Variants in SEPTIN4 observed in about 807,000 individuals in gnomAD.
SEPTIN4 encodes septin 4, also known as septin-4.
SEPTIN4 carries 52 observed loss-of-function variants against 107.1 expected under a neutral mutation model. That is an observed-to-expected ratio of 0.49 (90% CI 0.39 to 0.61). SEPTIN4 has a LOEUF of 0.61. Ranked by LOEUF, SEPTIN4 falls within the 20% of genes least tolerant of loss-of-function variation. The pLI is 0.00. For synonymous variants in SEPTIN4, 417 were observed against 467.0 expected (o/e 0.89, Z 1.38); for missense variants, 1,048 against 1,243.5 (o/e 0.84, Z 2.36).
chr17:58,544,123 T>G lies in SEPTIN4; in HGVS notation c.64A>C (p.Thr22Pro). Residue 22 changes from threonine to proline, a missense_variant, in exon 1 of 14, where the codon ACT (threonine) becomes CCT (proline). By Grantham distance (38) the Thr-to-Pro change is conservative. Transcript: ENST00000672673. The part of the protein sequence containing the change: ...AVSAQRGSEV[T>P]TNTSPQQGHG... ...CCCTGCTGAGGGGATGTGTTAGTAG[T>G]AACCTCAGACCCTCTCTGTGCTGAA... The G allele has an allele frequency of 6.2e-7, 1 of 1,614,132 alleles. No homozygotes were observed. The highest frequency in any genetic ancestry group is 8.5e-7 in the Non-Finnish European group (1 of 1,179,982).
Position 58,543,856 on chromosome 17 carries a change from T to G in SEPTIN4, c.331A>C (p.Thr111Pro). The change falls in exon 1 of 14, where the codon ACA (threonine) becomes CCA (proline). Residue 111 changes from threonine to proline, a missense_variant. Thr to Pro is a conservative substitution (Grantham distance 38). Around this residue, in one of 2 missense-constraint regions of SEPTIN4, gnomAD observed 787 missense variants for 871.8 expected, o/e 0.90. Coordinates refer to ENST00000672673, the MANE Select transcript of SEPTIN4 (RefSeq NM_001368771.2). ...CTGCTTGAAGCATGGGAAGCCAGTGTCTGAGTCTTCTGGCTCTTTAGATGG... is the reference window on the plus strand; with the variant it reads ...CTGCTTGAAGCATGGGAAGCCAGTGGCTGAGTCTTCTGGCTCTTTAGATGG... ...SPHLKSQKTQ[T>P]LASHASSRQW... The G allele has an allele frequency of 6.2e-7, 1 of 1,614,194 alleles. No homozygotes were observed. Among genetic ancestry groups the G allele is most frequent in the Non-Finnish European group, 8.5e-7 (1 of 1,180,030 alleles).
At position 58,537,810 on chromosome 17, in the gene SEPTIN4, A is replaced by G. The variant is rs2043765736; in HGVS notation, c.1614+2856T>C. 2.1e-5 allele frequency among the ~76,000 whole-genome samples: 3 copies of G among 143,666 alleles called. No individual in the cohort carries two copies. The Admixed American group carries it at 2.1e-4, about 10-fold the overall frequency. The allele number at this position is 143,666 out of a possible 152,430, so 94.3% of individuals were successfully genotyped here. On this transcript the variant is annotated intron_variant, in intron 3 of 13. Transcript: ENST00000672673. ...GCGCCATTGCACTCCAGCCTGGGTG[A>G]CAGAGCGAGACTCTGTCTCAAAAAA...
At chr17:58,526,573 A>AAACACACACACACAC in intron 4 of SEPTIN4, 109 bp downstream of exon 4, 4 of 1,302,208 alleles carry the variant, frequency 3.1e-6, no homozygotes, top group Non-Finnish European at 3.9e-6. Flanking sequence ...CACACACACA[A>AAACACACACACACAC]ACACACACAC....
Position 58,521,495 on chromosome 17 carries a change from TC to T in SEPTIN4, c.2571+49del. ...TGAATATAGAATTCTACTCCCTTTT[TC>T]TACCCGGAAGAAATAAGATAGGAAT... On this transcript the variant is annotated intron_variant, in intron 10 of 13. Transcript: ENST00000672673. The surrounding 1 kb of genome is among the most constrained non-coding windows in gnomAD (Gnocchi z 6.4). The T allele has an allele frequency of 6.2e-7, 1 of 1,602,722 alleles. No homozygotes were observed. Among genetic ancestry groups the T allele is most frequent in the Non-Finnish European group, 8.5e-7 (1 of 1,169,946 alleles).
chr17:58,527,761 G>T, intron 3 of SEPTIN4: 1 of 874,508 alleles, frequency 1.1e-6, no homozygotes, highest in Non-Finnish European at 1.4e-6. Flanking sequence ...TGGGCCTCCA[G>T]AGCTTCTGAC....
chr17:58,539,400 C>T (rs2043817610), intron 3 of SEPTIN4, among the ~76,000 whole-genome samples: 1 of 152,134 alleles, frequency 6.6e-6, no homozygotes, highest in Admixed American at 6.5e-5. Flanking sequence ...CCCAAAGGTA[C>T]AGATTTGCAT....
At chr17:58,536,628 G>A (rs1266662833) in intron 3 of SEPTIN4, among the ~76,000 whole-genome samples, 2 of 152,210 alleles carry the variant, frequency 1.3e-5, no homozygotes, top group African/African-American at 4.8e-5. Flanking sequence ...TGCCAAGGAA[G>A]CGACACCCAC....
intron 3 of SEPTIN4, chr17:58,528,039 C>T (rs1431104186): frequency 1.7e-5 from 17 of 985,332 alleles, no homozygotes; most frequent in Non-Finnish European, 1.7e-5. Context: ...TCGTGGGGTG[C>T]CTGGCAGTGC....
Position 58,543,323 on chromosome 17 carries a change from A to G in SEPTIN4, c.864T>C (p.Ser288=). 6.2e-7 allele frequency: 1 copy of G among 1,614,238 alleles called. No homozygotes were observed. The highest frequency in any genetic ancestry group is 8.5e-7 in the Non-Finnish European group (1 of 1,180,030). The change falls in exon 1 of 14, where the codon TCT becomes TCC. Residue 288 remains serine, a synonymous_variant. Coordinates refer to ENST00000672673, the MANE Select transcript of SEPTIN4 (RefSeq NM_001368771.2). ...LKDSDGVHRV[S]ARVDPESLHK... is the part of the protein sequence containing the mutation. ...GAAGAGACTCAGGGTCTACCCGTGCAGAAACTCGGTGTACACCATCAGAAT... is the reference window on the plus strand; with the variant it reads ...GAAGAGACTCAGGGTCTACCCGTGCGGAAACTCGGTGTACACCATCAGAAT...
At position 58,526,906 on chromosome 17, in the gene SEPTIN4, C is replaced by T. The variant is rs376503930; in HGVS notation, c.1687G>A (p.Ala563Thr). Residue 563 changes from alanine to threonine, a missense_variant, in exon 4 of 14, where the codon GCG (alanine) becomes ACG (threonine). Physicochemically the swap from Ala to Thr is moderately conservative, Grantham distance 58. Around this residue, in one of 2 missense-constraint regions of SEPTIN4, gnomAD observed 787 missense variants for 871.8 expected, o/e 0.90. Coordinates refer to ENST00000672673, the MANE Select transcript of SEPTIN4 (RefSeq NM_001368771.2). ...SKFVKDFSGN[A>T]SCHPPEAKTW... is the part of the protein sequence containing the mutation. ...TTAGCCTCTGGTGGGTGGCAGCTCG[C>T]ATTTCCTGAGAAATCCTTCACGAAC... The T allele has an allele frequency of 1.4e-5, 22 of 1,613,980 alleles. No homozygotes were observed. Among genetic ancestry groups the T allele is most frequent in the African/African-American group, 4.0e-5 (3 of 74,894 alleles).
rs1363517225 is a variant in SEPTIN4, at chr17:58,544,229, G to C, written c.-43C>G. ...TCTGAGTAGATCCCGTATTTTACTG[G>C]CTGGCTTGTATTCAGGATCCTAATG... On this transcript the variant is annotated 5_prime_UTR_variant, in exon 1 of 14. Coordinates refer to ENST00000672673, the MANE Select transcript of SEPTIN4 (RefSeq NM_001368771.2). 1 of 1,554,050 alleles carries C rather than the reference G, an allele frequency of 6.4e-7. No homozygotes were observed. The highest frequency in any genetic ancestry group is 1.4e-5 in the African/African-American group (1 of 73,460).
Position 58,543,150 on chromosome 17 carries a change from G to A in SEPTIN4, c.1037C>T (p.Pro346Leu), listed in dbSNP as rs1041599764. 6.2e-6 allele frequency: 10 copies of A among 1,612,810 alleles called. No individual in the cohort carries two copies. The highest frequency in any genetic ancestry group is 8.5e-6 in the Non-Finnish European group (10 of 1,179,086). Reference sequence around the variant, plus strand: ...TGATGGAACTGTCACATGGTGAGTTGGCTCTACTGACTGTACCCCTGGGGA... The same window carrying A: ...TGATGGAACTGTCACATGGTGAGTTAGCTCTACTGACTGTACCCCTGGGGA... ...TISPGVQSVE[P>L]THHVTVPSVS... is the part of the protein sequence containing the mutation. The change falls in exon 1 of 14, where the codon CCA becomes CTA. Residue 346 changes from proline (P) to leucine (L), a missense_variant. By Grantham distance (98) the Pro-to-Leu change is moderately conservative. This residue lies in a region of SEPTIN4 where 787 missense variants were observed against 871.8 expected (regional missense o/e 0.90). Coordinates refer to ENST00000672673, the MANE Select transcript of SEPTIN4 (RefSeq NM_001368771.2).
chr17:58,520,676 C>T, intron 13 of SEPTIN4, 67 bp downstream of exon 13: 1 of 1,596,064 alleles, frequency 6.3e-7, no homozygotes, highest in Non-Finnish European at 8.6e-7. Context: ...TTTCTATTAC[C>T]AAACAAAGAG....
At chr17:58,535,600 C>T (rs575008347) in intron 3 of SEPTIN4, among the ~76,000 whole-genome samples, 3 of 152,362 alleles carry the variant, frequency 2.0e-5, no homozygotes, top group African/African-American at 7.2e-5. Flanking sequence ...CTGGCTTTTA[C>T]CCTCCATATG....
chr17:58,534,916 A>G (rs560594543), intron 3 of SEPTIN4, among the ~76,000 whole-genome samples: 1 of 152,360 alleles, frequency 6.6e-6, no homozygotes, highest in African/African-American at 2.4e-5. Flanking sequence ...ATAAAGAGCA[A>G]TTACCACAGG....
intron 3 of SEPTIN4, among the ~76,000 whole-genome samples, chr17:58,539,506 CCTCT>C (rs757153384): frequency 1.3e-5 from 2 of 152,148 alleles, no homozygotes; most frequent in African/African-American, 2.4e-5. Context: ...CTGCAGACTC[CCTCT>C]CTAAGACCCT....
At chr17:58,540,483 G>T (rs1396189755) in intron 3 of SEPTIN4, among the ~76,000 whole-genome samples, 183 bp downstream of exon 3, 1 of 152,208 alleles carries the variant, frequency 6.6e-6, no homozygotes, top group Non-Finnish European at 1.5e-5. Flanking sequence ...TGGAACACAG[G>T]TTATATTTCA....
Position 58,526,896 on chromosome 17 carries a change from T to C in SEPTIN4, c.1697A>G (p.His566Arg). The change falls in exon 4 of 14, where the codon CAC becomes CGC. Residue 566 changes from histidine (H) to arginine (R), a missense_variant. By Grantham distance (29) the His-to-Arg change is conservative. Coordinates refer to ENST00000672673, the MANE Select transcript of SEPTIN4 (RefSeq NM_001368771.2). ...TGCCCAGGTCTTAGCCTCTGGTGGG[T>C]GGCAGCTCGCATTTCCTGAGAAATC... is the stretch of plus-strand genomic sequence containing the variant. Reference protein sequence around the residue: ...VKDFSGNASCHPPEAKTWASR... With the variant: ...VKDFSGNASCRPPEAKTWASR... The C allele has an allele frequency of 6.2e-7, 1 of 1,613,992 alleles. No individual in the cohort carries two copies. Among genetic ancestry groups the C allele is most frequent in the Non-Finnish European group, 8.5e-7 (1 of 1,180,002 alleles).
intron 3 of SEPTIN4, among the ~76,000 whole-genome samples, chr17:58,535,477 C>T (rs539120005): frequency 3.3e-5 from 5 of 152,330 alleles, no homozygotes; most frequent in South Asian, 4.1e-4. Flanking sequence ...AGCCTCTGCT[C>T]GAATACATAC....
Sources: allele counts gnomAD v4.1 joint callset (sites outside exome capture counted in the v4.1 genomes callset), GRCh38; gene constraint gnomAD v4.1.1; regional missense constraint gnomAD v4.1.1; non-coding constraint Gnocchi (gnomAD v3.1); transcripts MANE v1.5; gene names NCBI Gene and HGNC (gene_info 2026-07-23, HGNC 2026-07-21).